The following SLC25A39 variants were observed in gnomAD, a reference collection of about 807,000 sequenced individuals.
SLC25A39 encodes the protein mitochondrial glutathione transporter SLC25A39.
A neutral mutation model predicts 46.6 loss-of-function variants in SLC25A39; 44 were observed. That is an observed-to-expected ratio of 0.94 (90% CI 0.74 to 1.21). SLC25A39 has a LOEUF of 1.21. Ranked by LOEUF, SLC25A39 falls within the 50% of genes most tolerant of loss-of-function variation. The pLI, the probability that SLC25A39 is intolerant of heterozygous loss-of-function variation, is 0.00. For synonymous variants in SLC25A39, 218 were observed against 190.6 expected (o/e 1.14, Z -1.19); for missense variants, 487 against 473.0 (o/e 1.03, Z -0.28).
At chr17:44,321,600 C>T in intron 6 of SLC25A39, 42 bp from the exon 7 acceptor site, 1 of 1,611,134 alleles carries the variant, frequency 6.2e-7, no homozygotes, top group African/African-American at 1.3e-5. Context: ...CCCAAAAGGA[C>T]CCAAACTTTT....
chr17:44,322,600 CAGGGAGGCAG>C, intron 4 of SLC25A39, 48 bp from the exon 5 acceptor site: 2 of 1,599,046 alleles, frequency 1.3e-6, no homozygotes, highest in Middle Eastern at 1.7e-4. Flanking sequence ...TAGAACCTTG[CAGGGAGGCAG>C]TGGGCCCCTA....
At position 44,321,749 on chromosome 17, in the gene SLC25A39, C is replaced by T. The variant is rs368381651; in HGVS notation, c.343G>A (p.Val115Met). 99 of 1,612,316 alleles carry T rather than the reference C, an allele frequency of 6.1e-5. No individual in the cohort carries two copies. Among genetic ancestry groups the T allele is most frequent in the Admixed American group, 2.0e-4 (12 of 59,904 alleles). Residue 115 changes from valine to methionine, a missense_variant, in exon 6 of 12, where the codon GTG becomes ATG. Transcript: ENST00000377095. ...TGTMDAFVKI[V>M]RHEGTRTLWS... ...AGGGTCCTGGTGCCCTCGTGCCTCACGATCTTCACGAAGGCATCCTGGCCA... is the reference window on the plus strand; with the variant it reads ...AGGGTCCTGGTGCCCTCGTGCCTCATGATCTTCACGAAGGCATCCTGGCCA...
At chr17:44,322,711 G>A (rs1405228075) in intron 4 of SLC25A39, 97 bp downstream of exon 4, 1 of 1,582,922 alleles carries the variant, frequency 6.3e-7, no homozygotes, top group Non-Finnish European at 8.6e-7. Flanking sequence ...GTATATGCTA[G>A]TCCATGGCTG....
At chr17:44,323,365 A>G (rs1443290829) in intron 2 of SLC25A39, 22 bp from the exon 3 acceptor site, 1 of 1,607,342 alleles carries the variant, frequency 6.2e-7, no homozygotes, top group East Asian at 2.2e-5. Flanking sequence ...AGCGGGTCTG[A>G]AGGCTCCTTT....
rs1455900563 is a variant in SLC25A39 at position 44,323,591 on chromosome 17, C to T, written c.-15-14G>A. On this transcript the variant is annotated splice_polypyrimidine_tract_variant and intron_variant, in intron 1 of 11. Transcript: ENST00000377095. ...GAAGCTTCAGTCCTGAAAACCAAAC[C>T]TCAAACAGACCACAACTCCAGGGAT... 6.5e-7 allele frequency: 1 copy of T among 1,536,498 alleles called. No individual in the cohort carries two copies.
In SLC25A39 at chr17:44,323,593, C is replaced by T; in HGVS notation, c.-15-16G>A. 1 of 1,531,670 alleles carries T rather than the reference C, an allele frequency of 6.5e-7. No individual in the cohort carries two copies. Among genetic ancestry groups the T allele is most frequent in the Non-Finnish European group, 8.8e-7 (1 of 1,130,368 alleles). The allele number at this position is 1,531,670 out of a possible 1,614,324, so 94.9% of individuals were successfully genotyped here. A position where few individuals can be genotyped will look rare whatever the true frequency, so the allele number is the denominator to read the frequency against. ...AGCTTCAGTCCTGAAAACCAAACCT[C>T]AAACAGACCACAACTCCAGGGATGG... On this transcript the variant is annotated splice_polypyrimidine_tract_variant and intron_variant, in intron 1 of 11. Transcript: ENST00000377095.
At chr17:44,324,296 C>G (rs532785487) in intron 1 of SLC25A39, 1 of 152,684 alleles carries the variant, frequency 6.5e-6, no homozygotes, top group African/African-American at 2.4e-5. Context: ...CCCGGGCAGG[C>G]ACCTGAGAGC....
intron 2 of SLC25A39, 39 bp downstream of exon 2, chr17:44,323,439 A>AGACCCCCCC: frequency 3.9e-6 from 1 of 257,090 alleles, no homozygotes; most frequent in Non-Finnish European, 5.7e-6. Context: ...GGTCTGCCCC[A>AGACCCCCCC]TCCCCACCCG....
intron 1 of SLC25A39, chr17:44,323,846 T>C (rs2048142005): frequency 2.3e-6 from 1 of 428,500 alleles, no homozygotes; most frequent in Non-Finnish European, 4.2e-6. Context: ...TTCACCATGT[T>C]GGCCAAGATG....
intron 2 of SLC25A39, 39 bp downstream of exon 2, chr17:44,323,439 A>AAGCCCCCCCCCCCCCCCCC: frequency 7.8e-6 from 2 of 257,094 alleles, no homozygotes; most frequent in Non-Finnish European, 5.7e-6. Context: ...GGTCTGCCCC[A>AAGCCCCCCCCCCCCCCCCC]TCCCCACCCG....
Position 44,321,249 on chromosome 17 carries a change from G to T in SLC25A39, c.518-18C>A. On this transcript the variant is annotated intron_variant, in intron 7 of 11. Transcript: ENST00000377095. ...GGTGCCCACTGTGTGGGGATTGGGG[G>T]TGACAATGGGGAGAAGTGAGATCAC... 1 of 1,596,106 alleles carries T rather than the reference G, an allele frequency of 6.3e-7. No individual in the cohort carries two copies.
intron 1 of SLC25A39, chr17:44,323,924 G>T (rs957128662): frequency 2.9e-5 from 8 of 279,086 alleles, no homozygotes; most frequent in Non-Finnish European, 5.5e-5. Context: ...ACAGGCGTGA[G>T]CCACCGCACC....
At position 44,319,785 on chromosome 17, in the gene SLC25A39, G is replaced by A. The variant is rs1191551352; in HGVS notation, c.*216C>T. 13 of 563,612 alleles carry A rather than the reference G, an allele frequency of 2.3e-5. No individual in the cohort carries two copies. Among genetic ancestry groups the A allele is most frequent in the Non-Finnish European group, 3.2e-6 (1 of 313,884 alleles). 34.9% of individuals were successfully genotyped at this position (563,612 alleles called of 1,614,324 possible). A position where few individuals can be genotyped will look rare whatever the true frequency, so the allele number is the denominator to read the frequency against. On this transcript the variant is annotated 3_prime_UTR_variant, in exon 12 of 12. Transcript: ENST00000377095. The stretch of plus-strand genomic sequence containing the variant: ...ATTTGGTCTTGAACTTGGGGGGTGG[G>A]TAAGTGATGATCCCCACGACTGGAG...
rs904482481 is a variant in SLC25A39 at position 44,321,011 on chromosome 17, A to G, written c.691+47T>C. 5 of 1,528,960 alleles carry G rather than the reference A, an allele frequency of 3.3e-6. No individual in the cohort carries two copies. The African/African-American group carries it at 5.5e-5, about 17-fold the overall frequency. The allele number at this position is 1,528,960 out of a possible 1,614,324, so 94.7% of individuals were successfully genotyped here. ...GGACTTGGCTGTAGACCCTTTGTGC[A>G]TCACCCCAGGGTTCCCTCACCCACC... On this transcript the variant is annotated intron_variant, in intron 8 of 11. Coordinates refer to ENST00000377095, the MANE Select transcript of SLC25A39 (RefSeq NM_001143780.3).
At chr17:44,323,631 C>A in intron 1 of SLC25A39, 54 bp from the exon 2 acceptor site, 1 of 1,317,236 alleles carries the variant, frequency 7.6e-7, no homozygotes, top group Non-Finnish European at 1.1e-6. Flanking sequence ...GGAAAGGAGG[C>A]TGGGCCACTG....
At position 44,323,573 on chromosome 17, in the gene SLC25A39, C is replaced by A; in HGVS notation, c.-11G>T. ...GTCCTGGTCAGCCATCTTGAAGCTT[C>A]AGTCCTGAAAACCAAACCTCAAACA... On this transcript the variant is annotated 5_prime_UTR_variant, in exon 2 of 12. Transcript: ENST00000377095. 1 of 1,562,530 alleles carries A rather than the reference C, an allele frequency of 6.4e-7. No homozygotes were observed.
At chr17:44,321,946 CT>C (rs1457933526) in intron 5 of SLC25A39, among the ~76,000 whole-genome samples, 179 bp from the exon 6 acceptor site, 1 of 152,130 alleles carries the variant, frequency 6.6e-6, no homozygotes, top group Non-Finnish European at 1.5e-5. Flanking sequence ...CCTGGTCACC[CT>C]TCAAAAACCT....
At chr17:44,323,754 G>A in intron 1 of SLC25A39, 177 bp from the exon 2 acceptor site, 1 of 587,494 alleles carries the variant, frequency 1.7e-6, no homozygotes, top group African/African-American at 1.9e-5. Context: ...CGGTTCTCTT[G>A]CTTCAGCCTC....
chr17:44,323,635 G>T, intron 1 of SLC25A39, 58 bp from the exon 2 acceptor site: 1 of 1,258,332 alleles, frequency 7.9e-7, no homozygotes, highest in Non-Finnish European at 1.1e-6. Context: ...AGGAGGCTGG[G>T]CCACTGTGAG....
Sources: allele counts gnomAD v4.1 joint callset (sites outside exome capture counted in the v4.1 genomes callset), GRCh38; gene constraint gnomAD v4.1.1; transcripts MANE v1.5; gene names NCBI Gene and HGNC (gene_info 2026-07-23, HGNC 2026-07-21).